PARD3B: variants seen among roughly 807,000 people sequenced by gnomAD.
PARD3B encodes partitioning defective 3 homolog B.
Under a neutral mutation model 130.2 loss-of-function variants are expected in PARD3B, and 103 were observed. The ratio of observed to expected loss-of-function variants is 0.79; its 90% CI spans 0.67 to 0.93. PARD3B has a LOEUF of 0.93. Among genes scored for constraint, PARD3B ranks in the 40% least tolerant of loss-of-function variants. The pLI is 0.00. For missense variants in PARD3B, 1,609 were observed against 1,499.2 expected (o/e 1.07, Z -1.21); for synonymous variants, 583 against 553.2 (o/e 1.05, Z -0.76).
chr2:205,392,743 C>T (rs1051481677), intron 18 of PARD3B, among the ~76,000 whole-genome samples: 1 of 152,128 alleles, frequency 6.6e-6, no homozygotes, highest in African/African-American at 2.4e-5. Flanking sequence ...GAGTTTAAAA[C>T]ACAGCCCTAC....
rs186849897 is a variant in PARD3B at position 204,774,498 on chromosome 2, G to C, written c.222+88216G>C. 2.9e-3 allele frequency among the ~76,000 whole-genome samples: 442 copies of C among 152,118 alleles called. 3 individuals carry two copies. Among genetic ancestry groups the C allele is most frequent in the African/African-American group, 9.4e-3 (392 of 41,538 alleles). On this transcript the variant is annotated intron_variant, in intron 2 of 22. Coordinates refer to ENST00000406610, the MANE Select transcript of PARD3B (RefSeq NM_001302769.2). ...GGACTCAGCAAATGCTGGTTATTTT[G>C]AATTATTTTAGACCCTTCTGATTGC... is the stretch of plus-strand genomic sequence containing the variant.
intron 3 of PARD3B, among the ~76,000 whole-genome samples, chr2:204,985,023 C>T (rs771490906): frequency 2.4e-4 from 36 of 151,800 alleles, no homozygotes; most frequent in African/African-American, 8.0e-4. Context: ...ACGTTTGGCA[C>T]GTCTAATAAT....
intron 2 of PARD3B, among the ~76,000 whole-genome samples, chr2:204,693,722 G>A (rs1559065345): frequency 1.3e-5 from 2 of 151,952 alleles, no homozygotes; most frequent in Admixed American, 6.6e-5. Context: ...CACTTCAACC[G>A]CAGTGGTGGC....
Position 205,419,956 on chromosome 2 carries a change from A to G in PARD3B, c.2741+18833A>G, listed in dbSNP as rs149017131. Reference sequence around the variant, plus strand: ...TCAGTGAATGTGGCTAAAGCAAATTAAAGGATTCATATATTTTCGAAAGAT... The same window carrying G: ...TCAGTGAATGTGGCTAAAGCAAATTGAAGGATTCATATATTTTCGAAAGAT... On this transcript the variant is annotated intron_variant, in intron 19 of 22. Transcript: ENST00000406610. Among the ~76,000 whole-genome samples, 377 of 152,338 alleles carry G rather than the reference A, an allele frequency of 2.5e-3. 7 individuals carry two copies. Among genetic ancestry groups the G allele is most frequent in the African/African-American group, 8.7e-3 (360 of 41,582 alleles).
chr2:204,827,606 G>C (rs1331457093), intron 2 of PARD3B, among the ~76,000 whole-genome samples: 1 of 152,156 alleles, frequency 6.6e-6, no homozygotes, highest in African/African-American at 2.4e-5. Context: ...TAATGAAGTT[G>C]ACATGTGGAA....
chr2:204,963,241 C>T (rs975114241), intron 2 of PARD3B, among the ~76,000 whole-genome samples: 5 of 152,160 alleles, frequency 3.3e-5, no homozygotes, highest in African/African-American at 1.2e-4. Context: ...TTACTGCATA[C>T]ACTGTATTCT....
chr2:205,103,045 G>A (rs890409287), intron 4 of PARD3B, among the ~76,000 whole-genome samples: 1 of 151,422 alleles, frequency 6.6e-6, no homozygotes, highest in East Asian at 1.9e-4. Flanking sequence ...TCCAGCCTGG[G>A]CGACAGAGCT....
At position 204,855,234 on chromosome 2, in the gene PARD3B, A is replaced by T. The variant is rs1011058353; in HGVS notation, c.223-109918A>T. On this transcript the variant is annotated intron_variant, in intron 2 of 22. Coordinates refer to ENST00000406610, the MANE Select transcript of PARD3B (RefSeq NM_001302769.2). ...GACTCTAAAAAATGTATTTTACATGATCACATGTAACCTGAAAATACGCAT... is the reference window on the plus strand; with the variant it reads ...GACTCTAAAAAATGTATTTTACATGTTCACATGTAACCTGAAAATACGCAT... Among the ~76,000 whole-genome samples the T allele has an allele frequency of 3.3e-5, 5 of 152,146 alleles. No individual in the cohort carries two copies. In the East Asian group the frequency reaches 9.6e-4, roughly 29 times the overall value.
At chr2:205,043,738 A>G (rs967069640) in intron 3 of PARD3B, among the ~76,000 whole-genome samples, 6 of 152,112 alleles carry the variant, frequency 3.9e-5, no homozygotes, top group Non-Finnish European at 5.9e-5. Context: ...AATTATCTTC[A>G]GTACTCCTAA....
intron 2 of PARD3B, among the ~76,000 whole-genome samples, chr2:204,747,019 T>A (rs2040262309): frequency 6.6e-6 from 1 of 152,192 alleles, no homozygotes; most frequent in Non-Finnish European, 1.5e-5. Flanking sequence ...TTGTTGCCAT[T>A]GCTTTTGGTG....
At chr2:204,839,776 GT>G (rs2044194716) in intron 2 of PARD3B, among the ~76,000 whole-genome samples, 1 of 151,956 alleles carries the variant, frequency 6.6e-6, no homozygotes, top group African/African-American at 2.4e-5. Flanking sequence ...GAAGAATTTG[GT>G]TTTTGAAGAA....
At position 205,421,978 on chromosome 2, in the gene PARD3B, T is replaced by C. The variant is rs1511868; in HGVS notation, c.2742-18392T>C. On this transcript the variant is annotated intron_variant, in intron 19 of 22. Transcript: ENST00000406610. The surrounding 1 kb of genome is among the most constrained non-coding windows in gnomAD (Gnocchi z 5.1). ...TGTCTGCCAGGCACTGTGCTAGATA[T>C]TGGAGTTCTATCAATAGACAAGTCA... Among the ~76,000 whole-genome samples the C allele has an allele frequency of 0.027, 4,160 of 152,308 alleles. 70 individuals carry two copies. The highest frequency in any genetic ancestry group is 0.041 in the Middle Eastern group (12 of 294).
chr2:205,371,255 A>G (rs543757823), intron 18 of PARD3B, among the ~76,000 whole-genome samples: 1 of 152,300 alleles, frequency 6.6e-6, no homozygotes, highest in East Asian at 1.9e-4. Flanking sequence ...GAAGTTACAG[A>G]TTGCTCAGCC....
At position 204,743,336 on chromosome 2, in the gene PARD3B, T is replaced by C. The variant is rs55885667; in HGVS notation, c.222+57054T>C. Among the ~76,000 whole-genome samples, 1,325 of 152,270 alleles carry C rather than the reference T, an allele frequency of 8.7e-3. 10 individuals carry two copies. The highest frequency in any genetic ancestry group is 0.029 in the African/African-American group (1,194 of 41,550). On this transcript the variant is annotated intron_variant, in intron 2 of 22. Coordinates refer to ENST00000406610, the MANE Select transcript of PARD3B (RefSeq NM_001302769.2). ...CTCTTTTGAAATCCTTAATTGCATA[T>C]AGATTTTTAAAGTTGATCTTTATTT... is the stretch of plus-strand genomic sequence containing the variant.
intron 10 of PARD3B, among the ~76,000 whole-genome samples, chr2:205,154,378 A>T (rs1177120642): frequency 6.6e-6 from 1 of 152,250 alleles, no homozygotes; most frequent in Non-Finnish European, 1.5e-5. Context: ...AATGACAATC[A>T]TTAAAAAGTC....
intron 10 of PARD3B, among the ~76,000 whole-genome samples, chr2:205,150,254 C>T (rs10204064): frequency 0.26 from 21,117 of 80,260 alleles, 1,521 homozygotes; most frequent in Non-Finnish European, 0.34. Context: ...TGTGTGTGTG[C>T]ACACACGCTT....
rs960154383 is a variant in PARD3B, at chr2:205,213,929, C to T, written c.2140+20609C>T. On this transcript the variant is annotated intron_variant, in intron 15 of 22. Transcript: ENST00000406610. ...TGGAGGAATCTATGAATAAATTAGG[C>T]AATCACTTGACATAATTGGTTTAGG... Among the ~76,000 whole-genome samples the T allele has an allele frequency of 2.0e-5, 3 of 152,058 alleles. No individual in the cohort carries two copies. The East Asian group carries it at 5.8e-4, about 29-fold the overall frequency.
rs753609315 is a variant in PARD3B, at chr2:204,835,867, TTAGGC to T, written c.223-129267_223-129263del. 5.8e-4 allele frequency among the ~76,000 whole-genome samples: 88 copies of T among 152,318 alleles called. 1 individual carries two copies. In the Middle Eastern group the frequency reaches 0.01, roughly 18 times the overall value. ...GCTTATGTAAGTGTTCCAAGCATGT[TTAGGC>T]TAGGCTAGGCTAGGCTAAGCTATGG... On this transcript the variant is annotated intron_variant, in intron 2 of 22. Transcript: ENST00000406610.
In PARD3B at chr2:205,562,429, T is replaced by A. The variant is rs148721226; in HGVS notation, c.3260+9026T>A. 2.0e-3 allele frequency among the ~76,000 whole-genome samples: 308 copies of A among 152,322 alleles called. 1 individual carries two copies. Among genetic ancestry groups the A allele is most frequent in the African/African-American group, 7.2e-3 (301 of 41,570 alleles). ...TTTTTACTTTTTCCCTCATTTTCCA[T>A]AGAAAATTCCAAACTGCTACACATT... On this transcript the variant is annotated intron_variant, in intron 22 of 22. Transcript: ENST00000406610. This position sits in a 1 kb window ranked among gnomAD's most constrained non-coding sequence, Gnocchi z 5.4.
Sources: gnomAD v4.1 joint callset for allele counts (sites outside exome capture counted in the v4.1 genomes callset) on GRCh38, gnomAD v4.1.1 for gene constraint, Gnocchi (gnomAD v3.1) non-coding constraint, MANE v1.5 for transcripts, NCBI Gene and HGNC (gene_info 2026-07-23, HGNC 2026-07-21) for gene names.